Variants in BLOC1S5 observed in about 807,000 individuals in gnomAD.
BLOC1S5 encodes biogenesis of lysosomal organelles complex 1 subunit 5, also known as biogenesis of lysosome-related organelles complex 1 subunit 5.
Under a neutral mutation model 24.3 loss-of-function variants are expected in BLOC1S5, and 27 were observed. That is an observed-to-expected ratio of 1.11 (90% CI 0.82 to 1.53). The LOEUF (loss-of-function observed/expected upper bound fraction) is 1.53. Ranked by LOEUF, BLOC1S5 falls within the 40% of genes most tolerant of loss-of-function variation. The probability of loss-of-function intolerance (pLI) is 0.00; values close to 1 mark genes in which losing one functional copy is unlikely to be tolerated. For synonymous variants in BLOC1S5, 84 were observed against 74.5 expected, an observed-to-expected ratio of 1.13 and a Z score of -0.66; for missense variants, 239 against 229.4, an observed-to-expected ratio of 1.04 and a Z score of -0.27.
chr6:8,062,446 C>G (rs550541017), intron 2 of BLOC1S5, 88 bp downstream of exon 2: 1 of 825,606 alleles, frequency 1.2e-6, no homozygotes. Context: ...AACTAAAATC[C>G]GATTTTAAAA....
chr6:8,055,312 G>A (rs1581433522), intron 2 of BLOC1S5, among the ~76,000 whole-genome samples: 1 of 152,188 alleles, frequency 6.6e-6, no homozygotes, highest in African/African-American at 2.4e-5. Context: ...GCGTGTGCCT[G>A]CAATTCCAGC....
intron 2 of BLOC1S5, among the ~76,000 whole-genome samples, chr6:8,050,686 T>A (rs1764079263): frequency 6.7e-6 from 1 of 150,026 alleles, no homozygotes; most frequent in African/African-American, 2.5e-5. Context: ...CACCGCAACC[T>A]CTGCCGCCCA....
At chr6:8,040,462 A>G (rs561322309) in intron 3 of BLOC1S5, among the ~76,000 whole-genome samples, 1 of 152,252 alleles carries the variant, frequency 6.6e-6, no homozygotes, top group Non-Finnish European at 1.5e-5. Context: ...GTTTTTTAAA[A>G]GTAAAAAAAC....
chr6:8,032,320 A>G lies in BLOC1S5; in HGVS notation c.326-5895T>C, dbSNP rs144812313. ...CTAAGGATGTGAATAGACAATTCTC[A>G]AAAGAAGATATACAAATGGCCAACA... On this transcript the variant is annotated intron_variant, in intron 3 of 4. Transcript: ENST00000397457. Among the ~76,000 whole-genome samples the G allele has an allele frequency of 2.8e-3, 425 of 152,334 alleles. 2 individuals carry two copies. Among genetic ancestry groups the G allele is most frequent in the African/African-American group, 9.8e-3 (409 of 41,576 alleles).
At chr6:8,051,666 G>A (rs1045524841) in intron 2 of BLOC1S5, among the ~76,000 whole-genome samples, 3 of 152,208 alleles carry the variant, frequency 2.0e-5, no homozygotes, top group Admixed American at 1.3e-4. Flanking sequence ...TCTTGTTAGG[G>A]GTTAATGCAG....
At chr6:8,024,434 C>T (rs6926236) in intron 4 of BLOC1S5, among the ~76,000 whole-genome samples, 5,839 of 141,284 alleles carry the variant, frequency 0.041, 365 homozygotes, top group African/African-American at 0.14. Context: ...AGGAGAATAG[C>T]TTGAACCTGG....
intron 2 of BLOC1S5, among the ~76,000 whole-genome samples, chr6:8,059,510 G>A (rs1764443273): frequency 6.6e-6 from 1 of 152,178 alleles, no homozygotes; most frequent in African/African-American, 2.4e-5. Flanking sequence ...AAACTTCCAG[G>A]AGGTACCAGC....
At chr6:8,050,692 G>T (rs540272796) in intron 2 of BLOC1S5, among the ~76,000 whole-genome samples, 1 of 149,174 alleles carries the variant, frequency 6.7e-6, no homozygotes, top group Non-Finnish European at 1.5e-5. Context: ...AACCTCTGCC[G>T]CCCAGGTTCA....
At position 8,016,868 on chromosome 6, in the gene BLOC1S5, C is replaced by G. The variant is rs1158088838; in HGVS notation, c.385-1040G>C. ...CACTCCAGCCTGGGTGACAGTGATACTCTATCTCAAAAAAAAAAAAAAAAA... is the reference window on the plus strand; with the variant it reads ...CACTCCAGCCTGGGTGACAGTGATAGTCTATCTCAAAAAAAAAAAAAAAAA... On this transcript the variant is annotated intron_variant, in intron 4 of 4. Coordinates refer to ENST00000397457, the MANE Select transcript of BLOC1S5 (RefSeq NM_201280.3). 4.5e-5 allele frequency among the ~76,000 whole-genome samples: 4 copies of G among 87,950 alleles called. 1 individual carries two copies. The highest frequency in any genetic ancestry group is 1.8e-4 in the African/African-American group (4 of 22,230). The allele number at this position is 87,950 out of a possible 152,430, so 57.7% of individuals were successfully genotyped here.
At chr6:8,026,242 A>T (rs750394684) in intron 4 of BLOC1S5, 125 bp downstream of exon 4, 13 of 701,428 alleles carry the variant, frequency 1.9e-5, no homozygotes, top group Non-Finnish European at 2.6e-5. Context: ...TCTTCAATGA[A>T]TCAGCCATTT....
chr6:8,063,814 C>G (rs751369291), intron 1 of BLOC1S5, among the ~76,000 whole-genome samples: 1 of 152,176 alleles, frequency 6.6e-6, no homozygotes, highest in Non-Finnish European at 1.5e-5. Context: ...TGCTATAGAG[C>G]GCCTTCGTAA....
At chr6:8,057,818 T>C (rs1764368344) in intron 2 of BLOC1S5, among the ~76,000 whole-genome samples, 1 of 152,248 alleles carries the variant, frequency 6.6e-6, no homozygotes, top group Non-Finnish European at 1.5e-5. Flanking sequence ...GTCTCTAATT[T>C]TAACCAACAT....
intron 3 of BLOC1S5, among the ~76,000 whole-genome samples, chr6:8,036,073 C>T (rs1763475245): frequency 6.6e-6 from 1 of 151,904 alleles, no homozygotes; most frequent in Non-Finnish European, 1.5e-5. Context: ...AAATCAGTAA[C>T]AAGAGGAAAC....
At chr6:8,024,918 G>T (rs1209564408) in intron 4 of BLOC1S5, among the ~76,000 whole-genome samples, 1 of 152,168 alleles carries the variant, frequency 6.6e-6, no homozygotes, top group Non-Finnish European at 1.5e-5. Context: ...GCTAGTACAG[G>T]GAAGCAACAC....
At chr6:8,063,922 T>C (rs1001247972) in intron 1 of BLOC1S5, among the ~76,000 whole-genome samples, 57 of 152,152 alleles carry the variant, frequency 3.7e-4, no homozygotes, top group African/African-American at 1.4e-3. Flanking sequence ...AGCGACTGCC[T>C]CCCGCCTCCC....
Position 8,026,393 on chromosome 6 carries a change from G to A in BLOC1S5, c.358C>T (p.Gln120Ter), listed in dbSNP as rs1581400224. ...TTTTTTCGTTCCTGTTCCCTCTGTT[G>A]GAGTCTACAGACTGAGTCATTAGCT... ...QAANDSVCRLQQREQERKKIH... is the reference protein window; with the variant it reads ...QAANDSVCRL The change falls in exon 4 of 5, where the codon CAA becomes TAA. Residue 120 changes from glutamine (Q) to a stop codon, truncating the protein, a stop_gained. Transcript: ENST00000397457. LOFTEE classifies it high-confidence loss of function. 4 of 1,613,108 alleles carry A rather than the reference G, an allele frequency of 2.5e-6. No homozygotes were observed. The East Asian group carries it at 8.9e-5, about 36-fold the overall frequency.
intron 3 of BLOC1S5, chr6:8,027,332 G>A (rs948205170): frequency 5.5e-5 from 25 of 456,510 alleles, no homozygotes; most frequent in Middle Eastern, 6.5e-4. Flanking sequence ...AATGTTTACT[G>A]AGCATGTGCT....
chr6:8,048,731 G>A (rs1763990258), intron 2 of BLOC1S5, among the ~76,000 whole-genome samples: 1 of 152,162 alleles, frequency 6.6e-6, no homozygotes, highest in South Asian at 2.1e-4. Flanking sequence ...TGGAAGAGTT[G>A]GCTGGGCACG....
At chr6:8,026,492 G>T in intron 3 of BLOC1S5, 67 bp from the exon 4 acceptor site, 2 of 1,276,202 alleles carry the variant, frequency 1.6e-6, no homozygotes, top group Non-Finnish European at 2.3e-6. Flanking sequence ...ACCTGGGGGA[G>T]GAGTGTGTGT....
Sources: allele counts gnomAD v4.1 joint callset (sites outside exome capture counted in the v4.1 genomes callset), GRCh38; gene constraint gnomAD v4.1.1; transcripts MANE v1.5; gene names NCBI Gene and HGNC (gene_info 2026-07-23, HGNC 2026-07-21).